The following SGMS2 variants were observed in gnomAD, a reference collection of about 807,000 sequenced individuals.
SGMS2 encodes the protein phosphatidylcholine:ceramide cholinephosphotransferase 2.
Under a neutral mutation model 43.8 loss-of-function variants are expected in SGMS2, and 21 were observed. That is an observed-to-expected ratio of 0.48 (90% CI 0.34 to 0.69). The LOEUF is 0.69. Among genes scored for constraint, SGMS2 ranks in the 30% least tolerant of loss-of-function variants. The pLI is 0.01. For missense variants in SGMS2, 384 were observed against 443.2 expected (o/e 0.87, Z 1.20); for synonymous variants, 167 against 160.6 (o/e 1.04, Z -0.30).
chr4:107,837,681 G>A (rs1283724593), intron 1 of SGMS2, among the ~76,000 whole-genome samples: 1 of 152,202 alleles, frequency 6.6e-6, no homozygotes, highest in Non-Finnish European at 1.5e-5. Context: ...TGGGCAGAGA[G>A]TGGAGTAGGA....
chr4:107,886,273 C>T (rs1032097998), intron 2 of SGMS2, among the ~76,000 whole-genome samples: 3 of 151,494 alleles, frequency 2.0e-5, no homozygotes, highest in Non-Finnish European at 2.9e-5. Context: ...GATCACTGCT[C>T]ACTGCAGCCT....
intron 1 of SGMS2, among the ~76,000 whole-genome samples, chr4:107,844,180 C>T (rs542736352): frequency 5.9e-5 from 9 of 151,952 alleles, no homozygotes; most frequent in Admixed American, 1.3e-4. Flanking sequence ...AAAAGTTAGC[C>T]GGGCATGGAG....
At chr4:107,832,494 C>A (rs1725946478) in intron 1 of SGMS2, among the ~76,000 whole-genome samples, 4 of 152,116 alleles carry the variant, frequency 2.6e-5, no homozygotes, top group Admixed American at 2.6e-4. Flanking sequence ...TACTTAAGGC[C>A]ACACAGGTGG....
chr4:107,833,334 T>A (rs182527228), intron 1 of SGMS2, among the ~76,000 whole-genome samples: 1 of 152,312 alleles, frequency 6.6e-6, no homozygotes, highest in East Asian at 1.9e-4. Context: ...TAATTACTGT[T>A]GGAGATGGTA....
intron 2 of SGMS2, among the ~76,000 whole-genome samples, chr4:107,869,992 G>A (rs959353092): frequency 2.6e-5 from 4 of 152,112 alleles, no homozygotes; most frequent in Admixed American, 2.0e-4. Flanking sequence ...CCATGATTGT[G>A]GAGCTGTCAG....
In SGMS2 at chr4:107,866,331, C is replaced by T. The variant is rs140228112; in HGVS notation, c.-245+7778C>T. Among the ~76,000 whole-genome samples the T allele has an allele frequency of 1.9e-4, 29 of 152,100 alleles. 1 individual carries two copies. The highest frequency in any genetic ancestry group is 6.8e-3 in the Middle Eastern group (2 of 292). ...TGTAATCCCTAGCACTTTGGGAGGCCGAGGTAGGTGGATCACCTGAGGTCA... is the reference window on the plus strand; with the variant it reads ...TGTAATCCCTAGCACTTTGGGAGGCTGAGGTAGGTGGATCACCTGAGGTCA... On this transcript the variant is annotated intron_variant, in intron 2 of 6. Coordinates refer to ENST00000690982, the MANE Select transcript of SGMS2 (RefSeq NM_001375905.1).
chr4:107,894,813 T>G lies in SGMS2; in HGVS notation c.-244-497T>G, dbSNP rs1730526329. Among the ~76,000 whole-genome samples, 3 of 150,614 alleles carry G rather than the reference T, an allele frequency of 2.0e-5. No homozygotes were observed. In the South Asian group the frequency reaches 6.4e-4, roughly 32 times the overall value. The stretch of plus-strand genomic sequence containing the variant: ...AAGCGGTCACTTAAAAAGACTTCTG[T>G]TTTTTAATTAGAAAATAGAAAATTG... On this transcript the variant is annotated intron_variant, in intron 2 of 6. Coordinates refer to ENST00000690982, the MANE Select transcript of SGMS2 (RefSeq NM_001375905.1).
intron 2 of SGMS2, among the ~76,000 whole-genome samples, chr4:107,884,590 C>T (rs1191240783): frequency 1.3e-5 from 2 of 152,146 alleles, no homozygotes; most frequent in African/African-American, 2.4e-5. Flanking sequence ...TTAGGGCAAA[C>T]CTGCCTCCCA....
chr4:107,908,468 A>T lies in SGMS2; in HGVS notation c.728-97A>T. On this transcript the variant is annotated intron_variant, in intron 5 of 6. Transcript: ENST00000690982. ...GTTTTATCCTTCTGGTGACTTCCTGATCCTGGGTTATTCTACTTAAGGTCG... is the reference window on the plus strand; with the variant it reads ...GTTTTATCCTTCTGGTGACTTCCTGTTCCTGGGTTATTCTACTTAAGGTCG... 3 of 1,218,822 alleles carry T rather than the reference A, an allele frequency of 2.5e-6. No homozygotes were observed. In the South Asian group the frequency reaches 4.3e-5, roughly 18 times the overall value. The allele number at this position is 1,218,822 out of a possible 1,614,324, so 75.5% of individuals were successfully genotyped here. A position where few individuals can be genotyped will look rare whatever the true frequency, so the allele number is the denominator to read the frequency against.
intron 2 of SGMS2, among the ~76,000 whole-genome samples, chr4:107,879,108 A>ATTTTTT (rs373759605): frequency 7.0e-6 from 1 of 142,290 alleles, no homozygotes; most frequent in Non-Finnish European, 1.5e-5. Context: ...CTACCTGGCC[A>ATTTTTT]TTTTTTTTTT....
At position 107,910,961 on chromosome 4, in the gene SGMS2, T is replaced by A. The variant is rs1021456305; in HGVS notation, c.*408T>A. Reference sequence around the variant, plus strand: ...AATATCTGGACATCTACAGCCACTGTGTAAATAGAACTGCCTAATGTTGAG... The same window carrying A: ...AATATCTGGACATCTACAGCCACTGAGTAAATAGAACTGCCTAATGTTGAG... On this transcript the variant is annotated 3_prime_UTR_variant, in exon 7 of 7. Coordinates refer to ENST00000690982, the MANE Select transcript of SGMS2 (RefSeq NM_001375905.1). 5.8e-6 allele frequency: 1 copy of A among 173,894 alleles called. No homozygotes were observed. Among genetic ancestry groups the A allele is most frequent in the East Asian group, 1.6e-4 (1 of 6,408 alleles). 10.8% of individuals were successfully genotyped at this position (173,894 alleles called of 1,614,324 possible). A position where few individuals can be genotyped will look rare whatever the true frequency, so the allele number is the denominator to read the frequency against.
intron 2 of SGMS2, among the ~76,000 whole-genome samples, chr4:107,872,565 G>A (rs1728626039): frequency 6.6e-6 from 1 of 152,012 alleles, no homozygotes; most frequent in Admixed American, 6.6e-5. Flanking sequence ...AGCTACTCAG[G>A]AGGCTAAGGC....
chr4:107,824,827 G>A (rs893953693), upstream of SGMS2: 22 of 152,184 alleles, frequency 1.4e-4, no homozygotes, highest in African/African-American at 3.9e-4. Context: ...GTGGGCGGGC[G>A]AGGGTGTGAG....
chr4:107,864,275 G>C (rs1204102455), intron 2 of SGMS2: 1 of 152,220 alleles, frequency 6.6e-6, no homozygotes, highest in Non-Finnish European at 1.5e-5. Flanking sequence ...CAGTTCCTGA[G>C]CAATGTTTTG....
At chr4:107,909,862 G>A (rs1361770454) in intron 6 of SGMS2, among the ~76,000 whole-genome samples, 4 of 152,024 alleles carry the variant, frequency 2.6e-5, no homozygotes, top group Admixed American at 1.3e-4. Flanking sequence ...TCTTTCTTTG[G>A]ATTACTTTAT....
chr4:107,849,079 T>C (rs1726993022), intron 1 of SGMS2, among the ~76,000 whole-genome samples: 1 of 152,160 alleles, frequency 6.6e-6, no homozygotes, highest in African/African-American at 2.4e-5. Flanking sequence ...GAGAAGACTA[T>C]CCTGAGAAGC....
chr4:107,877,368 A>G (rs1000927043), intron 2 of SGMS2, among the ~76,000 whole-genome samples: 1 of 152,198 alleles, frequency 6.6e-6, no homozygotes, highest in African/African-American at 2.4e-5. Context: ...CTCCTGTTAC[A>G]GAGTAAATTA....
chr4:107,849,648 GATCACAATTGACTTTTT>G (rs914156986), intron 1 of SGMS2, among the ~76,000 whole-genome samples: 4 of 135,608 alleles, frequency 2.9e-5, no homozygotes, highest in African/African-American at 1.5e-4. Flanking sequence ...ACTTTTTAAA[GATCACAATTGACTTTTT>G]AAAGATCACA....
intron 1 of SGMS2, among the ~76,000 whole-genome samples, chr4:107,846,888 T>C (rs1347484240): frequency 6.6e-6 from 1 of 151,778 alleles, no homozygotes; most frequent in African/African-American, 2.4e-5. Flanking sequence ...TTTTCATGTG[T>C]CTTTTGGCTG....
Sources: allele counts gnomAD v4.1 joint callset (sites outside exome capture counted in the v4.1 genomes callset), GRCh38; gene constraint gnomAD v4.1.1; transcripts MANE v1.5; gene names NCBI Gene and HGNC (gene_info 2026-07-23, HGNC 2026-07-21).